FBN3: variants seen among roughly 807,000 people sequenced by gnomAD.
FBN3 encodes the protein fibrillin-3.
Under a neutral mutation model 330.1 loss-of-function variants are expected in FBN3, and 234 were observed. That is an observed-to-expected ratio of 0.71 (90% confidence interval 0.64 to 0.79). FBN3 has a LOEUF of 0.79. Ranked by LOEUF, FBN3 falls within the 30% of genes least tolerant of loss-of-function variation. The pLI is 0.00. For synonymous variants in FBN3, 1,458 were observed against 1,517.3 expected (o/e 0.96, Z 0.91); for missense variants, 3,606 against 3,886.9 (o/e 0.93, Z 1.92).
Position 8,067,637 on chromosome 19 carries a change from T to C in FBN3, c.8089-1377A>G, listed in dbSNP as rs2081422170. 3.3e-5 allele frequency among the ~76,000 whole-genome samples: 5 copies of C among 151,902 alleles called. No individual in the cohort carries two copies. In the South Asian group the frequency reaches 1.0e-3, roughly 32 times the overall value. On this transcript the variant is annotated intron_variant, in intron 63 of 63. Transcript: ENST00000600128. ...ACTGAGACCCTGTCTCAAAAATATATATATGTTTATTAGGCACCTACTGAA... is the reference window on the plus strand; with the variant it reads ...ACTGAGACCCTGTCTCAAAAATATACATATGTTTATTAGGCACCTACTGAA...
At chr19:8,116,639 T>C in intron 29 of FBN3, 35 bp downstream of exon 29, 2 of 1,551,194 alleles carry the variant, frequency 1.3e-6, no homozygotes, top group Non-Finnish European at 1.8e-6. Flanking sequence ...CACTGCCTCC[T>C]CCACCCGCCC....
At position 8,089,595 on chromosome 19, in the gene FBN3, C is replaced by T. The variant is rs774890136; in HGVS notation, c.6326G>A (p.Cys2109Tyr). The T allele has an allele frequency of 6.2e-7, 1 of 1,614,226 alleles. No individual in the cohort carries two copies. The highest frequency in any genetic ancestry group is 8.5e-7 in the Non-Finnish European group (1 of 1,180,034). Residue 2109 changes from cysteine (C) to tyrosine (Y), a missense_variant, in exon 51 of 64, where the codon TGT becomes TAT. By Grantham distance (194) the Cys-to-Tyr change is radical. Transcript: ENST00000600128. ...VCVNTDGSFRCECPFGYSLDF... is the reference protein window; with the variant it reads ...VCVNTDGSFRYECPFGYSLDF... ...CAGGCTGTAGCCAAAGGGACACTCACAGCGGAAGGATCCATCGGTGTTGAC... is the reference window on the plus strand; with the variant it reads ...CAGGCTGTAGCCAAAGGGACACTCATAGCGGAAGGATCCATCGGTGTTGAC...
Position 8,073,293 on chromosome 19 carries a change from C to T in FBN3, c.7707G>A (p.Glu2569=), listed in dbSNP as rs779590198. The change falls in exon 62 of 64, where the codon GAG becomes GAA. Residue 2569 remains glutamate, a synonymous_variant. Coordinates refer to ENST00000600128, the MANE Select transcript of FBN3 (RefSeq NM_032447.5). ...QHSQWAQCVD[E]NECALSPPTC... is the part of the protein sequence containing the mutation. ...TGGGGGGCGACAGGGCACACTCATT[C>T]TCATCTGTGGGAGGAAAGGAGGAGG... 2.5e-6 allele frequency: 4 copies of T among 1,612,524 alleles called. No individual in the cohort carries two copies. The African/African-American group carries it at 5.3e-5, about 22-fold the overall frequency.
In FBN3 at chr19:8,089,543, A is replaced by AC. The variant is rs1219091630; in HGVS notation, c.6376+1dup. 6.2e-7 allele frequency: 1 copy of AC among 1,614,010 alleles called. No individual in the cohort carries two copies. Among genetic ancestry groups the AC allele is most frequent in the Non-Finnish European group, 8.5e-7 (1 of 1,179,930 alleles). On this transcript the variant is annotated splice_donor_variant, in intron 51 of 63. Transcript: ENST00000600128. LOFTEE classifies it high-confidence loss of function. ...AGAGCTGGGGAAGGGCTGGCCACTC[A>AC]CCCACACAGTTGATGCCAGTGAAGT...
intron 8 of FBN3, 54 bp from the exon 9 acceptor site, chr19:8,138,618 T>C: frequency 1.3e-6 from 2 of 1,515,160 alleles, no homozygotes. Context: ...TGACCAGACC[T>C]GGATCCAAAT....
chr19:8,089,655 G>A lies in FBN3; in HGVS notation c.6266C>T (p.Ala2089Val), dbSNP rs1220516974. Reference sequence around the variant, plus strand: ...GTTAGTGCAGACGCCAGGGTTCTCTGCACACTCATTCACGTCTGCGGATGG... The same window carrying A: ...GTTAGTGCAGACGCCAGGGTTCTCTACACACTCATTCACGTCTGCGGATGG... Reference protein sequence around the residue: ...DDSREDVNECAENPGVCTNGV... With the variant: ...DDSREDVNECVENPGVCTNGV... Residue 2089 changes from alanine to valine, a missense_variant, in exon 51 of 64, where the codon GCA becomes GTA. Transcript: ENST00000600128. 2 of 1,614,170 alleles carry A rather than the reference G, an allele frequency of 1.2e-6. No homozygotes were observed. The highest frequency in any genetic ancestry group is 1.1e-5 in the South Asian group (1 of 91,078).
At chr19:8,134,751 T>C (rs978586325) in intron 13 of FBN3, among the ~76,000 whole-genome samples, 20 of 151,332 alleles carry the variant, frequency 1.3e-4, no homozygotes, top group African/African-American at 4.6e-4. Context: ...CTGGCCAACA[T>C]GGTGAAACCC....
rs1199214207 is a variant in FBN3, at chr19:8,127,918, T to C, written c.2297-1086A>G. On this transcript the variant is annotated intron_variant, in intron 18 of 63. Transcript: ENST00000600128. ...ATCTCTTAAACGGCGGGAGAATTGC[T>C]TGAACCCAGGAGGTGGAGGTTGCAG... Among the ~76,000 whole-genome samples, 5 of 152,202 alleles carry C rather than the reference T, an allele frequency of 3.3e-5. No homozygotes were observed. In the East Asian group the frequency reaches 9.6e-4, roughly 29 times the overall value.
At chr19:8,127,095 T>C (rs577183761) in intron 18 of FBN3, among the ~76,000 whole-genome samples, 8 of 145,686 alleles carry the variant, frequency 5.5e-5, no homozygotes, top group African/African-American at 1.8e-4. Flanking sequence ...TCTCGCTCTG[T>C]CACCCAGGTT....
Position 8,073,213 on chromosome 19 carries a change from G to A in FBN3, c.7787C>T (p.Pro2596Leu). ...GGCCTGATCAAAGTCAAAGCCAGAG[G>A]GGCAGACGCAGCGGAAGCCACCAAG... ...NTLGGFRCVC[P>L]SGFDFDQALG... The change falls in exon 62 of 64, where the codon CCC becomes CTC. Residue 2596 changes from proline (P) to leucine (L), a missense_variant. Pro to Leu is a moderately conservative substitution (Grantham distance 98). Coordinates refer to ENST00000600128, the MANE Select transcript of FBN3 (RefSeq NM_032447.5). The A allele has an allele frequency of 1.2e-6, 2 of 1,614,082 alleles. No individual in the cohort carries two copies. Among genetic ancestry groups the A allele is most frequent in the Non-Finnish European group, 1.7e-6 (2 of 1,180,016 alleles).
chr19:8,142,282 TCC>T (rs1325724131), intron 6 of FBN3, 145 bp from the exon 7 acceptor site: 2 of 675,302 alleles, frequency 3.0e-6, no homozygotes, highest in Non-Finnish European at 4.9e-6. Context: ...ATATCTTTCC[TCC>T]CCTTTCCCTA....
intron 61 of FBN3, among the ~76,000 whole-genome samples, chr19:8,074,557 C>T (rs2081594988): frequency 6.6e-6 from 1 of 150,908 alleles, no homozygotes; most frequent in Non-Finnish European, 1.5e-5. Context: ...GTGAAAGCTG[C>T]ACTGCAGTGG....
At chr19:8,116,895 G>A in intron 28 of FBN3, 96 bp from the exon 29 acceptor site, 4 of 1,467,366 alleles carry the variant, frequency 2.7e-6, no homozygotes, top group Non-Finnish European at 3.7e-6. Flanking sequence ...CTGTAGCCAG[G>A]TGAGGATAGC....
At position 8,142,144 on chromosome 19, in the gene FBN3, G is replaced by T; in HGVS notation, c.542-7C>A. On this transcript the variant is annotated splice_polypyrimidine_tract_variant and splice_region_variant and intron_variant, in intron 6 of 63. Transcript: ENST00000600128. ...CAGGGTCCCGTCCGGTAATCTGCAGGGCAGACAGATGTGGGTACCTGGCTG... is the reference window on the plus strand; with the variant it reads ...CAGGGTCCCGTCCGGTAATCTGCAGTGCAGACAGATGTGGGTACCTGGCTG... 6.3e-7 allele frequency: 1 copy of T among 1,599,658 alleles called. No homozygotes were observed. Among genetic ancestry groups the T allele is most frequent in the Non-Finnish European group, 8.5e-7 (1 of 1,173,246 alleles).
At chr19:8,107,693 T>C (rs1315570013) in intron 37 of FBN3, among the ~76,000 whole-genome samples, 1 of 148,910 alleles carries the variant, frequency 6.7e-6, no homozygotes, top group Admixed American at 6.8e-5. Context: ...GATGGATGAA[T>C]GGGTAGATGG....
In FBN3 at chr19:8,111,689, G is replaced by A; in HGVS notation, c.4043C>T (p.Thr1348Ile). Reference protein sequence around the residue: ...CLNVPGSYRCTCRQGFAGDGF... With the variant: ...CLNVPGSYRCICRQGFAGDGF... ...ATCCCCGGCAAAGCCCTGGCGGCAG[G>A]TGCAGCGGTAGGAGCCAGGGACATT... Residue 1348 changes from threonine to isoleucine, a missense_variant, in exon 32 of 64, where the codon ACC becomes ATC. Transcript: ENST00000600128. 1.2e-6 allele frequency: 2 copies of A among 1,611,848 alleles called. No individual in the cohort carries two copies. Among genetic ancestry groups the A allele is most frequent in the Non-Finnish European group, 8.5e-7 (1 of 1,178,660 alleles).
Position 8,121,445 on chromosome 19 carries a change from G to A in FBN3, c.3083-59C>T. The stretch of plus-strand genomic sequence containing the variant: ...ATGTGGGCCGCATCATGGGGCACGA[G>A]GCAGGGGGGTCCCTGTCCTTTGATG... On this transcript the variant is annotated intron_variant, in intron 24 of 63. Coordinates refer to ENST00000600128, the MANE Select transcript of FBN3 (RefSeq NM_032447.5). This position sits in a 1 kb window ranked among gnomAD's most constrained non-coding sequence, Gnocchi z 4.5. 1 of 1,485,814 alleles carries A rather than the reference G, an allele frequency of 6.7e-7. No homozygotes were observed. Among genetic ancestry groups the A allele is most frequent in the Non-Finnish European group, 9.0e-7 (1 of 1,107,876 alleles). 92.0% of individuals were successfully genotyped at this position (1,485,814 alleles called of 1,614,324 possible).
At chr19:8,068,347 C>T (rs986445090) in intron 63 of FBN3, among the ~76,000 whole-genome samples, 19 of 149,990 alleles carry the variant, frequency 1.3e-4, no homozygotes, top group African/African-American at 3.5e-4. Context: ...GTGGAGATCA[C>T]GCTGCTGCAC....
intron 37 of FBN3, 92 bp from the exon 38 acceptor site, chr19:8,106,325 C>A: frequency 7.3e-7 from 1 of 1,374,208 alleles, no homozygotes; most frequent in Admixed American, 1.8e-5. Context: ...CTCCAGGGCC[C>A]TCTCGAGGAT....
Sources: gnomAD v4.1 joint callset for allele counts (sites outside exome capture counted in the v4.1 genomes callset) on GRCh38, gnomAD v4.1.1 for gene constraint, Gnocchi (gnomAD v3.1) non-coding constraint, MANE v1.5 for transcripts, NCBI Gene and HGNC (gene_info 2026-07-23, HGNC 2026-07-21) for gene names.